Variants in DLGAP2 observed in about 807,000 individuals in gnomAD.
The protein encoded by DLGAP2 is DLG associated protein 2.
Under a neutral mutation model 100.3 loss-of-function variants are expected in DLGAP2, and 26 were observed. The observed-to-expected ratio is 0.26, with a 90% CI of 0.19 to 0.36. The LOEUF (loss-of-function observed/expected upper bound fraction) is 0.36, where lower values mean the gene tolerates loss of function less well. Ranked by LOEUF, DLGAP2 falls within the 10% of genes least tolerant of loss-of-function variation. The pLI is 1.00. For missense variants in DLGAP2, 1,858 were observed against 1,453.2 expected, an observed-to-expected ratio of 1.28 and a Z score of -4.53; for synonymous variants, 886 against 630.1, an observed-to-expected ratio of 1.41 and a Z score of -6.08.
intron 2 of DLGAP2, among the ~76,000 whole-genome samples, chr8:1,239,977 T>C (rs1345900859): frequency 8.4e-5 from 12 of 142,144 alleles, no homozygotes; most frequent in African/African-American, 3.2e-4. Context: ...ACACATAGCG[T>C]CTTGTCTAGT....
At position 1,234,781 on chromosome 8, in the gene DLGAP2, G is replaced by A. The variant is rs12680051; in HGVS notation, c.74-24070G>A. Among the ~76,000 whole-genome samples the A allele has an allele frequency of 9.4e-4, 143 of 152,276 alleles. 2 individuals are homozygous for A. In the East Asian group the frequency reaches 0.023, roughly 25 times the overall value. On this transcript the variant is annotated intron_variant, in intron 2 of 14. Coordinates refer to ENST00000637795, the MANE Select transcript of DLGAP2 (RefSeq NM_001346810.2). ...TAGGATCAAGCTGCCTCTGCCTTGC[G>A]CAACTGGGGCCTTTCATGTGCCCTC... is the stretch of plus-strand genomic sequence containing the variant.
intron 2 of DLGAP2, among the ~76,000 whole-genome samples, chr8:1,050,018 AC>A (rs1285521679): frequency 6.6e-6 from 1 of 152,202 alleles, no homozygotes; most frequent in Non-Finnish European, 1.5e-5. Context: ...ATATGTACAC[AC>A]ATGCGGATAT....
rs1278933153 is a variant in DLGAP2, at chr8:1,625,959, T to C, written c.1443-781T>C. Among the ~76,000 whole-genome samples, 6 of 152,092 alleles carry C rather than the reference T, an allele frequency of 3.9e-5. 1 individual carries two copies. Among genetic ancestry groups the C allele is most frequent in the Non-Finnish European group, 5.9e-5 (4 of 67,988 alleles). On this transcript the variant is annotated intron_variant, in intron 6 of 14. Transcript: ENST00000637795. Reference sequence around the variant, plus strand: ...TGGATTGGACGGTCGTTCCCATCTCTGGCCTGTGGCGGGTGCTCAGCCTCT... The same window carrying C: ...TGGATTGGACGGTCGTTCCCATCTCCGGCCTGTGGCGGGTGCTCAGCCTCT...
intron 3 of DLGAP2, among the ~76,000 whole-genome samples, chr8:1,293,046 A>C (rs1585229161): frequency 1.3e-5 from 2 of 152,140 alleles, no homozygotes; most frequent in African/African-American, 4.8e-5. Context: ...TTTGAGTCCA[A>C]AGCAGCTGGA....
At chr8:1,431,687 C>A (rs1026139155) in intron 3 of DLGAP2, among the ~76,000 whole-genome samples, 1 of 152,220 alleles carries the variant, frequency 6.6e-6, no homozygotes, top group African/African-American at 2.4e-5. Context: ...AGTCCGACTG[C>A]GGAGTGGAGG....
At position 1,644,058 on chromosome 8, in the gene DLGAP2, CT is replaced by C. The variant is rs1797979982; in HGVS notation, c.1810+11013del. Among the ~76,000 whole-genome samples, 4 of 114,332 alleles carry C rather than the reference CT, an allele frequency of 3.5e-5. 2 individuals are homozygous for C. The highest frequency in any genetic ancestry group is 1.3e-4 in the African/African-American group (4 of 30,522). The allele number at this position is 114,332 out of a possible 152,430, so 75.0% of individuals were successfully genotyped here. ...TGTGTCACCCTCGAACCCGCCGGTC[CT>C]CACCTGTGTCACCCTCGACCCCGCC... On this transcript the variant is annotated intron_variant, in intron 8 of 14. Coordinates refer to ENST00000637795, the MANE Select transcript of DLGAP2 (RefSeq NM_001346810.2).
intron 2 of DLGAP2, among the ~76,000 whole-genome samples, chr8:987,019 A>G (rs1800507123): frequency 6.6e-6 from 1 of 152,208 alleles, no homozygotes; most frequent in Non-Finnish European, 1.5e-5. Context: ...AGGAGGAAGT[A>G]AAAATCATGG....
At chr8:895,228 A>G (rs147924908) in intron 1 of DLGAP2, among the ~76,000 whole-genome samples, 8 of 152,222 alleles carry the variant, frequency 5.3e-5, no homozygotes, top group African/African-American at 1.9e-4. Flanking sequence ...AATTAGCTCA[A>G]TTTGGTCATT....
rs75620814 is a variant in DLGAP2, at chr8:778,548, T to C, written c.18+40723T>C. ...CAGTGTGGATGTCCTTTCTGTTTGT[T>C]AGTTTTCCTCCTAACGGACAGGACC... is the stretch of plus-strand genomic sequence containing the variant. On this transcript the variant is annotated intron_variant, in intron 1 of 14. Transcript: ENST00000637795. 3.0e-3 allele frequency among the ~76,000 whole-genome samples: 460 copies of C among 152,336 alleles called. 22 individuals carry two copies. In the East Asian group the frequency reaches 0.072, roughly 24 times the overall value.
chr8:843,043 G>A (rs185118199), intron 1 of DLGAP2, among the ~76,000 whole-genome samples: 12 of 152,324 alleles, frequency 7.9e-5, no homozygotes, highest in Admixed American at 2.6e-4. Context: ...GCGGGCTTTC[G>A]TTGTGTGCAG....
rs532581759 is a variant in DLGAP2 at position 1,179,440 on chromosome 8, C to G, written c.74-79411C>G. ...CAGCTTTCTGGGAAGGCTCAGCTCC[C>G]TGCTGTCCACACCTTCAGGAGCGTC... On this transcript the variant is annotated intron_variant, in intron 2 of 14. Coordinates refer to ENST00000637795, the MANE Select transcript of DLGAP2 (RefSeq NM_001346810.2). Among the ~76,000 whole-genome samples, 12 of 152,360 alleles carry G rather than the reference C, an allele frequency of 7.9e-5. No homozygotes were observed. In the East Asian group the frequency reaches 1.4e-3, roughly 17 times the overall value.
chr8:772,401 C>G (rs1304599233), intron 1 of DLGAP2, among the ~76,000 whole-genome samples: 1 of 152,152 alleles, frequency 6.6e-6, no homozygotes, highest in Non-Finnish European at 1.5e-5. Flanking sequence ...CTGCTCACTG[C>G]AAGCTCCGCC....
intron 2 of DLGAP2, among the ~76,000 whole-genome samples, chr8:1,188,058 A>T: frequency 1.4e-5 from 1 of 70,004 alleles, no homozygotes; most frequent in Non-Finnish European, 2.6e-5. Flanking sequence ...AATCTCACAC[A>T]CCCGGGACCT....
At chr8:922,360 A>G (rs554565864) in intron 2 of DLGAP2, among the ~76,000 whole-genome samples, 13 of 152,196 alleles carry the variant, frequency 8.5e-5, no homozygotes, top group Non-Finnish European at 1.9e-4. Flanking sequence ...CCCTGAGGTT[A>G]TTCAAGTCAT....
chr8:1,094,900 G>A (rs750561440), intron 2 of DLGAP2, among the ~76,000 whole-genome samples: 2 of 152,226 alleles, frequency 1.3e-5, no homozygotes, highest in Non-Finnish European at 1.5e-5. Context: ...GGTTTTGGTC[G>A]TTGTTTTCCT....
chr8:1,332,469 ATGTG>A (rs1162010184), intron 3 of DLGAP2, among the ~76,000 whole-genome samples: 2 of 151,842 alleles, frequency 1.3e-5, no homozygotes, highest in Non-Finnish European at 2.9e-5. Flanking sequence ...GAGTATATGC[ATGTG>A]TGTGTGTGAG....
At chr8:1,040,655 G>A (rs1212028239) in intron 2 of DLGAP2, among the ~76,000 whole-genome samples, 1 of 150,690 alleles carries the variant, frequency 6.6e-6, no homozygotes, top group Non-Finnish European at 1.5e-5. Context: ...GGTGTGCGTG[G>A]TCGGCTTGGT....
intron 2 of DLGAP2, among the ~76,000 whole-genome samples, chr8:1,205,235 G>C (rs1797964773): frequency 6.6e-6 from 1 of 152,150 alleles, no homozygotes; most frequent in South Asian, 2.1e-4. Context: ...TCAATGCTCT[G>C]CCTCAGTAAA....
intron 2 of DLGAP2, among the ~76,000 whole-genome samples, chr8:946,487 T>G (rs951596199): frequency 9.2e-5 from 14 of 152,114 alleles, no homozygotes; most frequent in South Asian, 6.2e-4. Flanking sequence ...ATGGTCTCGA[T>G]CTCCTGACCT....
Sources: gnomAD v4.1 joint callset for allele counts (sites outside exome capture counted in the v4.1 genomes callset) on GRCh38, gnomAD v4.1.1 for gene constraint, MANE v1.5 for transcripts, NCBI Gene and HGNC (gene_info 2026-07-23, HGNC 2026-07-21) for gene names.